Variants in CCDC88C observed in about 807,000 individuals in gnomAD.
CCDC88C encodes coiled-coil and HOOK domain protein 88C, also known as protein Daple.
In CCDC88C, 131 loss-of-function variants were observed where a neutral mutation model predicts 198.8. That is an observed-to-expected ratio of 0.66 (90% CI 0.57 to 0.76). CCDC88C has a LOEUF of 0.76. CCDC88C is among the 30% of genes least tolerant of loss of function. CCDC88C has a pLI of 0.00. For synonymous variants in CCDC88C, 1,166 were observed against 1,114.7 expected (o/e 1.05, Z -0.92); for missense variants, 2,553 against 2,631.6 (o/e 0.97, Z 0.65).
At position 91,408,675 on chromosome 14, in the gene CCDC88C, A is replaced by G. The variant is rs370994172; in HGVS notation, c.254T>C (p.Ile85Thr). 2.5e-6 allele frequency: 4 copies of G among 1,607,772 alleles called. No homozygotes were observed. The highest frequency in any genetic ancestry group is 1.3e-5 in the African/African-American group (1 of 74,794). ...IQNLTILVRN[I>T]KTYYQEVLQQ... is the part of the protein sequence containing the mutation. ...TGCCCTTACCTGGTAGTAGGTCTTA[A>G]TGTTTCTCACCAAGATGGTCAAATT... The change falls in exon 3 of 30, where the codon ATT (isoleucine) becomes ACT (threonine). Residue 85 changes from isoleucine (I) to threonine (T), a missense_variant. By Grantham distance (89) the Ile-to-Thr change is moderately conservative (BLOSUM62 -1). Transcript: ENST00000389857.
At chr14:91,377,058 G>C (rs1884474509) in intron 3 of CCDC88C, among the ~76,000 whole-genome samples, 1 of 144,926 alleles carries the variant, frequency 6.9e-6, no homozygotes, top group African/African-American at 2.6e-5. Flanking sequence ...CACTGGTCTT[G>C]AAGAAAGGAG....
chr14:91,343,198 C>T (rs893645581), intron 5 of CCDC88C, among the ~76,000 whole-genome samples: 1 of 152,144 alleles, frequency 6.6e-6, no homozygotes, highest in Non-Finnish European at 1.5e-5. Flanking sequence ...TCAAGCGATC[C>T]TCCCCCACCT....
intron 22 of CCDC88C, among the ~76,000 whole-genome samples, chr14:91,295,345 T>C (rs528580426): frequency 6.6e-6 from 1 of 152,312 alleles, no homozygotes; most frequent in Admixed American, 6.5e-5. Context: ...GGGCAAGAAT[T>C]AAAACAAATA....
At position 91,318,945 on chromosome 14, in the gene CCDC88C, G is replaced by A. The variant is rs558829942; in HGVS notation, c.1527+2175C>T. Among the ~76,000 whole-genome samples, 551 of 138,840 alleles carry A rather than the reference G, an allele frequency of 4.0e-3. 2 individuals are homozygous for A. The highest frequency in any genetic ancestry group is 0.022 in the Middle Eastern group (6 of 274). The allele number at this position is 138,840 out of a possible 152,430, so 91.1% of individuals were successfully genotyped here. The stretch of plus-strand genomic sequence containing the variant: ...AAAAAAAAAAAAAAAAAAAGAACCT[G>A]CAGAGCCAAGGGACCCAGGTGTCCT... On this transcript the variant is annotated intron_variant, in intron 13 of 29. Coordinates refer to ENST00000389857, the MANE Select transcript of CCDC88C (RefSeq NM_001080414.4).
intron 6 of CCDC88C, among the ~76,000 whole-genome samples, chr14:91,341,959 T>C (rs1432928262): frequency 6.6e-6 from 1 of 152,226 alleles, no homozygotes; most frequent in Non-Finnish European, 1.5e-5. Context: ...GTCTCTGCCA[T>C]GTCACTGACA....
Position 91,303,791 on chromosome 14 carries a change from G to C in CCDC88C, c.3545C>G (p.Ser1182Trp). 1 of 1,613,458 alleles carries C rather than the reference G, an allele frequency of 6.2e-7. No individual in the cohort carries two copies. ...GCGGATGAGGGCCTCGTACTCGGCC[G>C]ATTGCCGCTCGTGCAGCGTGCCCAG... ...EHLGTLHERQSAEYEALIRQH... is the reference protein window; with the variant it reads ...EHLGTLHERQWAEYEALIRQH... The change falls in exon 20 of 30, where the codon TCG becomes TGG. Residue 1182 changes from serine (S) to tryptophan (W), a missense_variant. Ser to Trp is a radical substitution (Grantham distance 177). Around this residue, in one of 2 missense-constraint regions of CCDC88C, gnomAD observed 1,293 missense variants for 1,219.6 expected, o/e 1.06. Transcript: ENST00000389857.
chr14:91,327,096 A>G (rs898036044), intron 10 of CCDC88C, among the ~76,000 whole-genome samples: 1 of 152,156 alleles, frequency 6.6e-6, no homozygotes, highest in Non-Finnish European at 1.5e-5. Context: ...CTGGCGGGGA[A>G]CTGAGCTTCC....
At chr14:91,346,991 AC>A (rs1893569886) in intron 4 of CCDC88C, among the ~76,000 whole-genome samples, 1 of 151,874 alleles carries the variant, frequency 6.6e-6, no homozygotes, top group Admixed American at 6.6e-5. Context: ...AGCCCAAGTC[AC>A]CCACCTCCCC....
At chr14:91,322,165 T>C (rs143159691) in intron 12 of CCDC88C, among the ~76,000 whole-genome samples, 2 of 152,270 alleles carry the variant, frequency 1.3e-5, no homozygotes, top group African/African-American at 4.8e-5. Flanking sequence ...TCTTGGGGCC[T>C]TTCCACACTG....
At chr14:91,358,858 C>T (rs981588403) in intron 4 of CCDC88C, among the ~76,000 whole-genome samples, 1 of 152,072 alleles carries the variant, frequency 6.6e-6, no homozygotes, top group Non-Finnish European at 1.5e-5. Flanking sequence ...ACCTAGAACG[C>T]GTGCCTGCCA....
At chr14:91,383,166 G>C (rs1442799605) in intron 3 of CCDC88C, among the ~76,000 whole-genome samples, 1 of 152,200 alleles carries the variant, frequency 6.6e-6, no homozygotes, top group Admixed American at 6.5e-5. Context: ...ACCATCTGTA[G>C]ACTTGGAGCT....
At chr14:91,298,591 A>G (rs1567059291) in intron 21 of CCDC88C, among the ~76,000 whole-genome samples, 1 of 152,116 alleles carries the variant, frequency 6.6e-6, no homozygotes, top group African/African-American at 2.4e-5. Context: ...CAATACCCAA[A>G]CATTCAGGTT....
intron 22 of CCDC88C, 42 bp downstream of exon 22, chr14:91,297,263 A>G: frequency 2.5e-6 from 4 of 1,589,372 alleles, no homozygotes; most frequent in Non-Finnish European, 3.4e-6. Flanking sequence ...CCCTTGGGGG[A>G]CTCATCCCTG....
rs573559946 is a variant in CCDC88C at position 91,324,549 on chromosome 14, T to C, written c.1342+230A>G. Among the ~76,000 whole-genome samples the C allele has an allele frequency of 6.1e-3, 930 of 152,366 alleles. 2 individuals carry two copies. The highest frequency in any genetic ancestry group is 8.9e-3 in the Non-Finnish European group (606 of 68,036). Reference sequence around the variant, plus strand: ...ATGTCCATATGGGAATTCGGAAAACTGGCAACACTTAATTTGTGTTTTGCG... The same window carrying C: ...ATGTCCATATGGGAATTCGGAAAACCGGCAACACTTAATTTGTGTTTTGCG... On this transcript the variant is annotated intron_variant, in intron 12 of 29. Coordinates refer to ENST00000389857, the MANE Select transcript of CCDC88C (RefSeq NM_001080414.4).
chr14:91,385,482 C>T (rs893693177), intron 3 of CCDC88C, among the ~76,000 whole-genome samples: 4 of 152,126 alleles, frequency 2.6e-5, no homozygotes, highest in Non-Finnish European at 5.9e-5. Flanking sequence ...CCAGATGTCT[C>T]GCAGCTTGCC....
intron 2 of CCDC88C, among the ~76,000 whole-genome samples, chr14:91,414,558 G>A (rs1331577163): frequency 1.3e-5 from 2 of 152,178 alleles, no homozygotes; most frequent in African/African-American, 4.8e-5. Context: ...GTCCTTTCCA[G>A]TCAATCCTCA....
intron 10 of CCDC88C, among the ~76,000 whole-genome samples, chr14:91,334,625 C>T (rs1892972870): frequency 6.6e-6 from 1 of 152,174 alleles, no homozygotes; most frequent in African/African-American, 2.4e-5. Context: ...GGGCAAATTC[C>T]CTGGAAATAT....
chr14:91,404,964 C>CA (rs57911960), intron 3 of CCDC88C, among the ~76,000 whole-genome samples: 17,180 of 103,022 alleles, frequency 0.17, 1,461 homozygotes, highest in Admixed American at 0.24. Flanking sequence ...GACTCCATCT[C>CA]AAAAAAAAAA....
At chr14:91,406,094 G>T (rs1886469636) in intron 3 of CCDC88C, among the ~76,000 whole-genome samples, 1 of 152,126 alleles carries the variant, frequency 6.6e-6, no homozygotes. Context: ...ACTTTGTGTG[G>T]CCACTTCCCA....
Sources: allele counts gnomAD v4.1 joint callset (sites outside exome capture counted in the v4.1 genomes callset), GRCh38; gene constraint gnomAD v4.1.1; regional missense constraint gnomAD v4.1.1; transcripts MANE v1.5; gene names NCBI Gene and HGNC (gene_info 2026-07-23, HGNC 2026-07-21).